Variants in GTF2E1 observed in about 807,000 individuals in gnomAD.
The protein encoded by GTF2E1 is TFIIE alpha subunit.
GTF2E1 carries 14 observed loss-of-function variants against 34.9 expected under a neutral mutation model. That is an observed-to-expected ratio of 0.40 (90% CI 0.27 to 0.63). The LOEUF (loss-of-function observed/expected upper bound fraction) is 0.63, where lower values mean the gene tolerates loss of function less well. Among genes scored for constraint, GTF2E1 ranks in the 20% least tolerant of loss-of-function variants. The pLI is 0.39. For missense variants in GTF2E1, 469 were observed against 557.7 expected, an observed-to-expected ratio of 0.84 and a Z score of 1.60; for synonymous variants, 188 against 192.9, an observed-to-expected ratio of 0.97 and a Z score of 0.21.
chr3:120,750,254 T>C (rs528655407), intron 1 of GTF2E1, among the ~76,000 whole-genome samples: 2 of 152,332 alleles, frequency 1.3e-5, no homozygotes, highest in South Asian at 4.1e-4. Flanking sequence ...TAAAGTAGAC[T>C]TGACGTAATA....
intron 2 of GTF2E1, among the ~76,000 whole-genome samples, chr3:120,754,043 A>C (rs1709188335): frequency 6.6e-6 from 1 of 152,148 alleles, no homozygotes; most frequent in Non-Finnish European, 1.5e-5. Context: ...GTGTTTCATA[A>C]ATGCATGTTT....
chr3:120,748,486 A>G (rs958682798), intron 1 of GTF2E1, among the ~76,000 whole-genome samples: 2 of 152,228 alleles, frequency 1.3e-5, no homozygotes, highest in African/African-American at 4.8e-5. Flanking sequence ...CAGTTTTCCC[A>G]GCACCATTTA....
chr3:120,779,368 G>C (rs1049630795), intron 4 of GTF2E1, among the ~76,000 whole-genome samples: 4 of 152,132 alleles, frequency 2.6e-5, no homozygotes, highest in Non-Finnish European at 5.9e-5. Context: ...TTCTGTTGTA[G>C]TGCTGCATTG....
chr3:120,760,116 A>C (rs1280346119), intron 2 of GTF2E1, among the ~76,000 whole-genome samples: 1 of 152,126 alleles, frequency 6.6e-6, no homozygotes, highest in African/African-American at 2.4e-5. Flanking sequence ...TTCGTTGAGC[A>C]GTGGTTTGTA....
At chr3:120,775,763 A>G (rs192251964) in intron 3 of GTF2E1, among the ~76,000 whole-genome samples, 28 of 152,348 alleles carry the variant, frequency 1.8e-4, no homozygotes, top group African/African-American at 6.7e-4. Context: ...ACTGCAGAGT[A>G]GAATCAGTGG....
intron 1 of GTF2E1, among the ~76,000 whole-genome samples, chr3:120,748,144 T>A (rs1425352763): frequency 6.6e-5 from 10 of 152,218 alleles, no homozygotes; most frequent in Non-Finnish European, 1.2e-4. Context: ...TAGATTCTGG[T>A]TATTAGCCCT....
intron 1 of GTF2E1, among the ~76,000 whole-genome samples, chr3:120,743,168 G>C (rs1709071975): frequency 6.6e-6 from 1 of 152,248 alleles, no homozygotes; most frequent in Non-Finnish European, 1.5e-5. Flanking sequence ...ATGAAATGTG[G>C]TAACACAACA....
intron 2 of GTF2E1, among the ~76,000 whole-genome samples, chr3:120,762,998 G>C (rs1297304091): frequency 1.3e-5 from 2 of 152,114 alleles, no homozygotes; most frequent in Non-Finnish European, 2.9e-5. Context: ...CTCAGTTATA[G>C]TATTCATATA....
At chr3:120,761,981 G>A (rs1324425115) in intron 2 of GTF2E1, among the ~76,000 whole-genome samples, 2 of 151,874 alleles carry the variant, frequency 1.3e-5, no homozygotes, top group East Asian at 3.9e-4. Flanking sequence ...TAGTAGAGAC[G>A]GGATTTCACC....
chr3:120,744,863 C>A (rs1410303306), intron 1 of GTF2E1, among the ~76,000 whole-genome samples: 2 of 152,100 alleles, frequency 1.3e-5, no homozygotes. Flanking sequence ...GAAAGCAGAA[C>A]ACTTTGCATT....
intron 3 of GTF2E1, among the ~76,000 whole-genome samples, chr3:120,776,025 A>G (rs575449923): frequency 3.9e-5 from 6 of 152,146 alleles, no homozygotes; most frequent in South Asian, 4.1e-4. Flanking sequence ...TAAAAATACA[A>G]TGTGTTTTGT....
At position 120,742,791 on chromosome 3, in the gene GTF2E1, C is replaced by G. The variant is rs762166424; in HGVS notation, c.-34C>G. 10 of 486,652 alleles carry G rather than the reference C, an allele frequency of 2.1e-5. No individual in the cohort carries two copies. Among genetic ancestry groups the G allele is most frequent in the East Asian group, 3.9e-5 (1 of 25,348 alleles). The allele number at this position is 486,652 out of a possible 1,614,324, so 30.1% of individuals were successfully genotyped here. On this transcript the variant is annotated 5_prime_UTR_variant, in exon 1 of 5. Transcript: ENST00000283875. ...GTAGTGGGAGTGTTCCAGGATTCGC[C>G]TTGGTAAACCTTGTTCCCTGTTCCT...
Position 120,781,040 on chromosome 3 carries a change from CA to C in GTF2E1, c.893-2del. The C allele has an allele frequency of 6.3e-7, 1 of 1,599,578 alleles. No individual in the cohort carries two copies. The highest frequency in any genetic ancestry group is 8.5e-7 in the Non-Finnish European group (1 of 1,169,792). On this transcript the variant is annotated splice_acceptor_variant, in intron 4 of 4. Transcript: ENST00000283875. LOFTEE classifies it high-confidence loss of function. ...TATTGACTTTCTGAGTTTTACTCCC[CA>C]GGGGGCATAGATATGGACGCATTTC...
At chr3:120,752,449 A>G (rs1231852320) in intron 2 of GTF2E1, among the ~76,000 whole-genome samples, 2 of 152,208 alleles carry the variant, frequency 1.3e-5, no homozygotes, top group African/African-American at 4.8e-5. Context: ...TGACCACAGT[A>G]GAAGGTGTTA....
intron 3 of GTF2E1, among the ~76,000 whole-genome samples, chr3:120,775,629 G>T (rs1341327949): frequency 1.3e-5 from 2 of 152,130 alleles, no homozygotes; most frequent in East Asian, 3.8e-4. Context: ...GAGGTTGGGG[G>T]GAACTTAAGT....
At chr3:120,757,966 C>T (rs1709223511) in intron 2 of GTF2E1, among the ~76,000 whole-genome samples, 1 of 152,120 alleles carries the variant, frequency 6.6e-6, no homozygotes, top group Admixed American at 6.5e-5. Context: ...AGTTCAAGAC[C>T]AGCCTGGCCA....
At chr3:120,748,164 G>T (rs1429274062) in intron 1 of GTF2E1, among the ~76,000 whole-genome samples, 1 of 152,194 alleles carries the variant, frequency 6.6e-6, no homozygotes, top group Non-Finnish European at 1.5e-5. Context: ...TTTGTCAGAT[G>T]AAAAGGTTGC....
chr3:120,770,028 G>GTATGATTTA (rs1489046374), intron 2 of GTF2E1, among the ~76,000 whole-genome samples: 1 of 152,048 alleles, frequency 6.6e-6, no homozygotes, highest in Non-Finnish European at 1.5e-5. Flanking sequence ...TCATACATGG[G>GTATGATTTA]GCCTTTTATA....
intron 1 of GTF2E1, among the ~76,000 whole-genome samples, chr3:120,746,820 C>T (rs1317878453): frequency 6.6e-6 from 1 of 152,142 alleles, no homozygotes; most frequent in African/African-American, 2.4e-5. Context: ...AACAAATTCC[C>T]TGTGGCCTAG....
Sources: gnomAD v4.1 joint callset for allele counts (sites outside exome capture counted in the v4.1 genomes callset) on GRCh38, gnomAD v4.1.1 for gene constraint, MANE v1.5 for transcripts, NCBI Gene and HGNC (gene_info 2026-07-23, HGNC 2026-07-21) for gene names.